CLPB: variants seen among roughly 807,000 people sequenced by gnomAD.
CLPB encodes ClpB family mitochondrial disaggregase, also known as mitochondrial disaggregase.
CLPB carries 40 observed loss-of-function variants against 78.4 expected under a neutral mutation model. The observed-to-expected ratio is 0.51, with a 90% confidence interval of 0.40 to 0.66. The LOEUF (loss-of-function observed/expected upper bound fraction) is 0.66. Ranked by LOEUF, CLPB falls within the 30% of genes least tolerant of loss-of-function variation. CLPB has a pLI of 0.00. For missense variants in CLPB, 780 were observed against 886.9 expected, an observed-to-expected ratio of 0.88 and a Z score of 1.53; for synonymous variants, 333 against 348.0, an observed-to-expected ratio of 0.96 and a Z score of 0.48.
At chr11:72,431,164 C>G (rs1282360388) in intron 1 of CLPB, among the ~76,000 whole-genome samples, 1 of 152,194 alleles carries the variant, frequency 6.6e-6, no homozygotes, top group Non-Finnish European at 1.5e-5. Flanking sequence ...GTTGCCACCA[C>G]CTTGTGGCCA....
chr11:72,415,447 T>C (rs559693164), intron 2 of CLPB, among the ~76,000 whole-genome samples: 1 of 152,342 alleles, frequency 6.6e-6, no homozygotes, highest in East Asian at 1.9e-4. Context: ...AGATACTTTC[T>C]GTTTAGTCCT....
At chr11:72,415,568 C>T (rs2135123130) in intron 2 of CLPB, among the ~76,000 whole-genome samples, 1 of 152,356 alleles carries the variant, frequency 6.6e-6, no homozygotes, top group Non-Finnish European at 1.5e-5. Context: ...ACCACCACCA[C>T]TACTTTCACA....
chr11:72,332,365 C>T (rs538553930), intron 5 of CLPB, among the ~76,000 whole-genome samples: 4 of 151,754 alleles, frequency 2.6e-5, no homozygotes, highest in Admixed American at 2.6e-4. Flanking sequence ...GGCACATGCC[C>T]GTAATCCCAG....
At chr11:72,428,322 G>T (rs1416615372) in intron 2 of CLPB, among the ~76,000 whole-genome samples, 4 of 152,130 alleles carry the variant, frequency 2.6e-5, no homozygotes, top group Non-Finnish European at 5.9e-5. Context: ...TCACTCCTCT[G>T]CAAGTCAGCC....
intron 5 of CLPB, among the ~76,000 whole-genome samples, chr11:72,357,853 T>C (rs1050402664): frequency 6.6e-6 from 1 of 151,988 alleles, no homozygotes; most frequent in Non-Finnish European, 1.5e-5. Context: ...CCAGAGACCT[T>C]TGAGGACCTT....
chr11:72,352,831 A>G (rs749998179), intron 5 of CLPB: 9 of 152,230 alleles, frequency 5.9e-5, no homozygotes, highest in Non-Finnish European at 1.0e-4. Context: ...AGAATGCTGG[A>G]GCTGGAAGGG....
At chr11:72,433,221 A>G (rs537407591) in intron 1 of CLPB, among the ~76,000 whole-genome samples, 2 of 152,308 alleles carry the variant, frequency 1.3e-5, no homozygotes, top group South Asian at 2.1e-4. Flanking sequence ...AAGAGTCAAA[A>G]TAACAGTACT....
Position 72,289,105 on chromosome 11 carries a change from G to A in CLPB, c.*4262C>T, listed in dbSNP as rs1949422817. ...GGGGTTTCACCATGTTGGTCAGGAT[G>A]GTCTCAATCTCTTGATCTCGTGATC... On this transcript the variant is annotated 3_prime_UTR_variant, in exon 16 of 16. Coordinates refer to ENST00000538039, the MANE Select transcript of CLPB (RefSeq NM_001258392.3). 1 of 152,134 alleles carries A rather than the reference G, an allele frequency of 6.6e-6. No individual in the cohort carries two copies. Among genetic ancestry groups the A allele is most frequent in the Non-Finnish European group, 1.5e-5 (1 of 68,078 alleles). The allele number at this position is 152,134 out of a possible 1,614,324, so 9.4% of individuals were successfully genotyped here. A position where few individuals can be genotyped will look rare whatever the true frequency, so the allele number is the denominator to read the frequency against.
At chr11:72,303,922 GTCTGTGC>G (rs1265678537) in intron 9 of CLPB, 1 of 152,238 alleles carries the variant, frequency 6.6e-6, no homozygotes, top group Non-Finnish European at 1.5e-5. Flanking sequence ...TCAGCTCCAA[GTCTGTGC>G]TCTTAGCCAT....
rs117831314 is a variant in CLPB at position 72,350,770 on chromosome 11, C to G, written c.775+8110G>C. 2.0e-3 allele frequency among the ~76,000 whole-genome samples: 309 copies of G among 152,312 alleles called. 1 individual carries two copies. Among genetic ancestry groups the G allele is most frequent in the Non-Finnish European group, 3.6e-3 (244 of 68,028 alleles). On this transcript the variant is annotated intron_variant, in intron 5 of 15. Transcript: ENST00000538039. ...GCTTTCAGGCAATCAGTCAGACATC[C>G]AAGACAAGATTTTCTGGTTTTGAGA...
intron 3 of CLPB, among the ~76,000 whole-genome samples, chr11:72,395,273 T>TAC (rs1244345213): frequency 6.6e-6 from 1 of 152,094 alleles, no homozygotes; most frequent in Non-Finnish European, 1.5e-5. Flanking sequence ...ATCCATATAA[T>TAC]ACATCATGGG....
At chr11:72,336,840 TG>T (rs1950331090) in intron 5 of CLPB, 1 of 370,330 alleles carries the variant, frequency 2.7e-6, no homozygotes, top group South Asian at 1.5e-4. Flanking sequence ...TGACCACATA[TG>T]AGCAGCCATG....
In CLPB at chr11:72,302,288, G is replaced by T; in HGVS notation, c.1167+16C>A. ...CCCTCCAAACCATGCTTCAATCAAGGACTGTCATCACTCACCTCGTGTCGC... is the reference window on the plus strand; with the variant it reads ...CCCTCCAAACCATGCTTCAATCAAGTACTGTCATCACTCACCTCGTGTCGC... On this transcript the variant is annotated intron_variant, in intron 10 of 15. Coordinates refer to ENST00000538039, the MANE Select transcript of CLPB (RefSeq NM_001258392.3). 2.5e-6 allele frequency: 4 copies of T among 1,613,496 alleles called. No individual in the cohort carries two copies. Among genetic ancestry groups the T allele is most frequent in the Non-Finnish European group, 3.4e-6 (4 of 1,179,482 alleles).
intron 5 of CLPB, among the ~76,000 whole-genome samples, chr11:72,358,179 T>C (rs1185857748): frequency 6.6e-6 from 1 of 152,206 alleles, no homozygotes; most frequent in Non-Finnish European, 1.5e-5. Context: ...TCTCTCCAAT[T>C]AACTGATGTT....
chr11:72,345,517 AAAC>A (rs1466606040), intron 5 of CLPB, among the ~76,000 whole-genome samples: 3 of 152,232 alleles, frequency 2.0e-5, no homozygotes, highest in Admixed American at 6.5e-5. Context: ...ATAAACCAGA[AAAC>A]AACAAAGCTA....
chr11:72,434,211 C>G lies in CLPB; in HGVS notation c.264G>C (p.Trp88Cys), dbSNP rs763713125. Residue 88 changes from tryptophan to cysteine, a missense_variant, in exon 1 of 16, where the codon TGG becomes TGC. Trp to Cys is a radical substitution (Grantham distance 215). Around this residue, in one of 3 missense-constraint regions of CLPB, gnomAD observed 417 missense variants for 414.7 expected, o/e 1.01. Coordinates refer to ENST00000538039, the MANE Select transcript of CLPB (RefSeq NM_001258392.3). ...FDTKCLAAAT[W>C]GRLPGPEETL... ...TTTCTTCGGGACCAGGAAGGCGTCC[C>G]CAAGTGGCAGCCGCGAGGCATTTGG... The G allele has an allele frequency of 4.3e-6, 7 of 1,613,610 alleles. No homozygotes were observed. Among genetic ancestry groups the G allele is most frequent in the Non-Finnish European group, 5.9e-6 (7 of 1,179,996 alleles).
At chr11:72,350,481 G>C (rs1286878506) in intron 5 of CLPB, among the ~76,000 whole-genome samples, 1 of 152,020 alleles carries the variant, frequency 6.6e-6, no homozygotes, top group Non-Finnish European at 1.5e-5. Flanking sequence ...TTTATTATTA[G>C]CTAGCAATTT....
Position 72,329,884 on chromosome 11 carries a change from C to T in CLPB, c.776-80G>A, listed in dbSNP as rs1950194198. ...GCCTTCCCTTGGAGGTGGCTTAAGG[C>T]TCTGATTTCTATGTTGGGAATGTCC... On this transcript the variant is annotated intron_variant, in intron 5 of 15. Coordinates refer to ENST00000538039, the MANE Select transcript of CLPB (RefSeq NM_001258392.3). 4 of 1,071,082 alleles carry T rather than the reference C, an allele frequency of 3.7e-6. No individual in the cohort carries two copies. In the Admixed American group the frequency reaches 6.1e-5, roughly 16 times the overall value. 66.3% of individuals were successfully genotyped at this position (1,071,082 alleles called of 1,614,324 possible). A position where few individuals can be genotyped will look rare whatever the true frequency, so the allele number is the denominator to read the frequency against.
intron 7 of CLPB, among the ~76,000 whole-genome samples, chr11:72,314,121 T>C (rs1344958174): frequency 6.6e-6 from 1 of 152,202 alleles, no homozygotes; most frequent in Non-Finnish European, 1.5e-5. Context: ...GATCTGGTGG[T>C]GTGCCGTGGT....
Sources: allele counts gnomAD v4.1 joint callset (sites outside exome capture counted in the v4.1 genomes callset), GRCh38; gene constraint gnomAD v4.1.1; regional missense constraint gnomAD v4.1.1; transcripts MANE v1.5; gene names NCBI Gene and HGNC (gene_info 2026-07-23, HGNC 2026-07-21).